Variants in ADAM18 observed in about 807,000 individuals in gnomAD.
ADAM18 encodes disintegrin and metalloproteinase domain-containing protein 18.
A neutral mutation model predicts 94.4 loss-of-function variants in ADAM18; 117 were observed. The observed-to-expected ratio is 1.24, with a 90% CI of 1.07 to 1.45. The LOEUF is 1.45. Among genes scored for constraint, ADAM18 ranks in the 40% most tolerant of loss-of-function variants. The probability of loss-of-function intolerance (pLI) is 0.00; values close to 1 mark genes in which losing one functional copy is unlikely to be tolerated. For missense variants in ADAM18, 936 were observed against 880.0 expected, an observed-to-expected ratio of 1.06 and a Z score of -0.81; for synonymous variants, 327 against 291.6, an observed-to-expected ratio of 1.12 and a Z score of -1.24.
rs1820443575 is a variant in ADAM18, at chr8:39,648,451, C to A, written c.1154C>A (p.Pro385Gln). 6.2e-7 allele frequency: 1 copy of A among 1,612,576 alleles called. No homozygotes were observed. Among genetic ancestry groups the A allele is most frequent in the African/African-American group, 1.3e-5 (1 of 74,962 alleles). Reference sequence around the variant, plus strand: ...CTTCAGAAGCTTTCAAATTTGCAACCATTACATCAAAATCAACCAGTGTGT... The same window carrying A: ...CTTCAGAAGCTTTCAAATTTGCAACAATTACATCAAAATCAACCAGTGTGT... ...KCLQKLSNLQ[P>Q]LHQNQPVCGN... The change falls in exon 12 of 20, where the codon CCA (proline) becomes CAA (glutamine). Residue 385 changes from proline to glutamine, a missense_variant. Pro to Gln is a moderately conservative substitution (Grantham distance 76). Transcript: ENST00000265707.
intron 12 of ADAM18, among the ~76,000 whole-genome samples, chr8:39,658,731 G>T (rs569321924): frequency 3.3e-5 from 5 of 152,126 alleles, no homozygotes; most frequent in Admixed American, 6.5e-5. Context: ...GGTTGTTTAC[G>T]CTGGTTTCTT....
At chr8:39,728,838 G>A (rs994328744) in intron 19 of ADAM18, among the ~76,000 whole-genome samples, 1 of 152,148 alleles carries the variant, frequency 6.6e-6, no homozygotes, top group Non-Finnish European at 1.5e-5. Flanking sequence ...TTGCATGAAA[G>A]GTATACAAGC....
intron 7 of ADAM18, among the ~76,000 whole-genome samples, chr8:39,631,494 T>C (rs1387971665): frequency 6.6e-6 from 1 of 151,960 alleles, no homozygotes; most frequent in Non-Finnish European, 1.5e-5. Context: ...TGTAGTATAA[T>C]TGTGTGTGGC....
In ADAM18 at chr8:39,585,268, T is replaced by C. The variant is rs1293705312; in HGVS notation, c.56-8T>C. 2 of 1,608,370 alleles carry C rather than the reference T, an allele frequency of 1.2e-6. No individual in the cohort carries two copies. The highest frequency in any genetic ancestry group is 2.2e-5 in the East Asian group (1 of 44,808). On this transcript the variant is annotated splice_region_variant and splice_polypyrimidine_tract_variant and intron_variant, in intron 1 of 19. Coordinates refer to ENST00000265707, the MANE Select transcript of ADAM18 (RefSeq NM_014237.3). The stretch of plus-strand genomic sequence containing the variant: ...AAAGACAAAAACAAACACATTTTCT[T>C]ACTGCAGGTTCTGAAGGAATATTTC...
intron 12 of ADAM18, among the ~76,000 whole-genome samples, chr8:39,651,700 C>CT (rs1159946993): frequency 1.3e-5 from 2 of 152,144 alleles, no homozygotes; most frequent in Non-Finnish European, 2.9e-5. Flanking sequence ...AATGGAGTCT[C>CT]TTATGCCTAC....
intron 16 of ADAM18, among the ~76,000 whole-genome samples, chr8:39,687,247 C>T (rs367684653): frequency 1.7e-4 from 26 of 152,160 alleles, no homozygotes; most frequent in South Asian, 1.5e-3. Context: ...TAAATTTAGA[C>T]GCATACTTAA....
At chr8:39,711,147 C>A (rs1050496221) in intron 18 of ADAM18, among the ~76,000 whole-genome samples, 1 of 152,134 alleles carries the variant, frequency 6.6e-6, no homozygotes, top group Non-Finnish European at 1.5e-5. Flanking sequence ...ATTACCTGAA[C>A]AAAAACTCTG....
At position 39,706,786 on chromosome 8, in the gene ADAM18, T is replaced by C. The variant is rs762776629; in HGVS notation, c.1903-4T>C. ...CAAACTGTTTCTGTATTTTTCTGTT[T>C]CAGATATGTAATAATTTTGGTAATT... On this transcript the variant is annotated splice_region_variant and splice_polypyrimidine_tract_variant and intron_variant, in intron 17 of 19. Transcript: ENST00000265707. The C allele has an allele frequency of 2.2e-5, 34 of 1,545,450 alleles. No homozygotes were observed. Among genetic ancestry groups the C allele is most frequent in the Non-Finnish European group, 2.9e-5 (33 of 1,120,046 alleles).
At chr8:39,649,662 C>A (rs1417521988) in intron 12 of ADAM18, among the ~76,000 whole-genome samples, 1 of 152,058 alleles carries the variant, frequency 6.6e-6, no homozygotes, top group Non-Finnish European at 1.5e-5. Context: ...TTTGCTGTTC[C>A]GGCAGTATTT....
chr8:39,666,124 A>C (rs942315092), intron 13 of ADAM18, among the ~76,000 whole-genome samples: 11 of 152,072 alleles, frequency 7.2e-5, no homozygotes, highest in African/African-American at 2.4e-4. Context: ...TGCAACCTCC[A>C]CCTCCTGGGC....
intron 1 of ADAM18, among the ~76,000 whole-genome samples, chr8:39,585,018 T>C (rs1818357076): frequency 1.3e-5 from 2 of 152,148 alleles, no homozygotes. Context: ...AAGTCTCTCA[T>C]CGATTCTAAA....
At chr8:39,706,972 T>C in intron 18 of ADAM18, 68 bp downstream of exon 18, 1 of 885,182 alleles carries the variant, frequency 1.1e-6, no homozygotes, top group Non-Finnish European at 1.8e-6. Context: ...TAAACAAATC[T>C]AAGTCATCTT....
rs746334501 is a variant in ADAM18 at position 39,609,102 on chromosome 8, T to C, written c.249T>C (p.Ser83=). The C allele has an allele frequency of 1.2e-5, 19 of 1,589,118 alleles. 1 individual carries two copies. The Middle Eastern group carries it at 2.3e-3, about 195-fold the overall frequency. The change falls in exon 4 of 20, where the codon TCT becomes TCC. Residue 83 remains serine (S), a synonymous_variant. Coordinates refer to ENST00000265707, the MANE Select transcript of ADAM18 (RefSeq NM_014237.3). ...ATAATGAAACTGGATCTTTGCATTC[T>C]GTGTCTCCATATTTTATGGTAAAGT... ...YTYNETGSLH[S]VSPYFMMHCH...
intron 19 of ADAM18, among the ~76,000 whole-genome samples, chr8:39,726,296 A>C (rs34939478): frequency 6.7e-6 from 1 of 149,818 alleles, no homozygotes; most frequent in Non-Finnish European, 1.5e-5. Context: ...GTGTGTGTGT[A>C]TATATATAAT....
chr8:39,730,062 C>G lies in ADAM18; in HGVS notation c.*122C>G. On this transcript the variant is annotated 3_prime_UTR_variant, in exon 20 of 20. Coordinates refer to ENST00000265707, the MANE Select transcript of ADAM18 (RefSeq NM_014237.3). ...TTGGAAAATAAAGCCTGCGTGCCCT[C>G]CCATGTGCCTCCTCCAGTGCCTCTT... 1 of 899,052 alleles carries G rather than the reference C, an allele frequency of 1.1e-6. No homozygotes were observed. Among genetic ancestry groups the G allele is most frequent in the African/African-American group, 1.6e-5 (1 of 60,762 alleles). The allele number at this position is 899,052 out of a possible 1,614,324, so 55.7% of individuals were successfully genotyped here.
chr8:39,610,748 G>A (rs1397732393), intron 6 of ADAM18, 42 bp downstream of exon 6: 21 of 1,556,636 alleles, frequency 1.3e-5, no homozygotes, highest in East Asian at 2.3e-5. Flanking sequence ...CTAGAACATT[G>A]CCTGTGTAGT....
intron 12 of ADAM18, among the ~76,000 whole-genome samples, chr8:39,661,125 A>C (rs547902383): frequency 6.6e-6 from 1 of 151,154 alleles, no homozygotes; most frequent in East Asian, 1.9e-4. Flanking sequence ...AATAAAAAAA[A>C]AACCAAAAAA....
At chr8:39,724,416 A>G (rs1005599217) in intron 19 of ADAM18, among the ~76,000 whole-genome samples, 1 of 151,766 alleles carries the variant, frequency 6.6e-6, no homozygotes, top group African/African-American at 2.4e-5. Flanking sequence ...GAATTATCAT[A>G]CTTTATTCCT....
intron 19 of ADAM18, among the ~76,000 whole-genome samples, chr8:39,724,722 C>A (rs1822852326): frequency 6.6e-6 from 1 of 151,802 alleles, no homozygotes; most frequent in African/African-American, 2.4e-5. Flanking sequence ...TTAGGCTTAG[C>A]TGCATTCTAT....
Sources: gnomAD v4.1 joint callset for allele counts (sites outside exome capture counted in the v4.1 genomes callset) on GRCh38, gnomAD v4.1.1 for gene constraint, MANE v1.5 for transcripts, NCBI Gene and HGNC (gene_info 2026-07-23, HGNC 2026-07-21) for gene names.